Variants in LOC400499 observed in about 807,000 individuals in gnomAD.
chr16:11,466,393 A>T, the LOC400499 span, among the ~76,000 whole-genome samples: 2 of 149,012 alleles, frequency 1.3e-5, no homozygotes, highest in Admixed American at 6.7e-5. Flanking sequence ...ATTCATTTAG[A>T]TTTTTTTTTT....
chr16:11,495,043 T>C, the LOC400499 span, among the ~76,000 whole-genome samples: 1 of 152,042 alleles, frequency 6.6e-6, no homozygotes, highest in Non-Finnish European at 1.5e-5. Context: ...ACCCCGTCTC[T>C]ACTAAAAACA....
the LOC400499 span, chr16:11,383,700 G>A: frequency 3.4e-4 from 419 of 1,232,540 alleles, 2 homozygotes; most frequent in Middle Eastern, 3.7e-3. Context: ...GGATGTAGGC[G>A]GCCGCCAGGT....
chr16:11,455,175 C>A, the LOC400499 span, among the ~76,000 whole-genome samples: 2 of 152,188 alleles, frequency 1.3e-5, no homozygotes, highest in African/African-American at 4.8e-5. Context: ...TATATCTCAG[C>A]TATGTAAGAC....
the LOC400499 span, chr16:11,491,564 A>C: frequency 2.6e-6 from 1 of 389,228 alleles, no homozygotes; most frequent in African/African-American, 2.2e-5. Flanking sequence ...TGGTAGAGAA[A>C]CAGGGGAACA....
At chr16:11,511,854 C>T in the LOC400499 span, among the ~76,000 whole-genome samples, 3 of 151,994 alleles carry the variant, frequency 2.0e-5, no homozygotes, top group African/African-American at 7.3e-5. Context: ...TAGCAAGACC[C>T]GATTTCTACA....
chr16:11,524,870 G>T, the LOC400499 span, among the ~76,000 whole-genome samples: 1 of 152,242 alleles, frequency 6.6e-6, no homozygotes, highest in African/African-American at 2.4e-5. Context: ...CATTAAGCAG[G>T]CATTCATCTG....
chr16:11,450,128 C>T, the LOC400499 span, among the ~76,000 whole-genome samples: 1 of 152,324 alleles, frequency 6.6e-6, no homozygotes, highest in African/African-American at 2.4e-5. Context: ...CCCACATCCA[C>T]GCATCACCCA....
chr16:11,403,657 G>T, the LOC400499 span, among the ~76,000 whole-genome samples: 1 of 152,208 alleles, frequency 6.6e-6, no homozygotes, highest in East Asian at 1.9e-4. Context: ...CTCCACACCT[G>T]GCAGGCTGTG....
the LOC400499 span, chr16:11,491,645 G>GCCCACCCACCC: frequency 2.7e-6 from 1 of 370,388 alleles, no homozygotes; most frequent in Non-Finnish European, 4.8e-6. Context: ...TTCAGGAGGT[G>GCCCACCCACCC]CCCTCCCAGC....
chr16:11,412,727 A>G, the LOC400499 span: 344 of 396,734 alleles, frequency 8.7e-4, no homozygotes, highest in African/African-American at 6.3e-3. Flanking sequence ...GCCCTTGTTT[A>G]TGCAGCAGTG....
chr16:11,516,277 G>A, the LOC400499 span: 2 of 399,480 alleles, frequency 5.0e-6, no homozygotes, highest in African/African-American at 4.1e-5. Context: ...AGTGCAGGAT[G>A]AAGCGGAGTG....
At chr16:11,525,198 T>G in the LOC400499 span, among the ~76,000 whole-genome samples, 10,436 of 151,342 alleles carry the variant, frequency 0.069, 405 homozygotes, top group African/African-American at 0.083. Flanking sequence ...GAGAATTGCT[T>G]GAGCCGACAG....
the LOC400499 span, chr16:11,501,995 C>T: frequency 2.5e-6 from 1 of 397,734 alleles, no homozygotes; most frequent in African/African-American, 2.1e-5. Context: ...ACTGGGAACC[C>T]AGGACAGCAC....
chr16:11,439,068 T>G, the LOC400499 span, among the ~76,000 whole-genome samples: 1 of 152,194 alleles, frequency 6.6e-6, no homozygotes, highest in Non-Finnish European at 1.5e-5. Context: ...ATGCACAGCC[T>G]GCTCAATGAA....
the LOC400499 span, chr16:11,392,252 C>T: frequency 4.1e-3 from 1,652 of 398,934 alleles, 34 homozygotes; most frequent in African/African-American, 0.031. Context: ...GCTCCTGGCA[C>T]GGGGGCCTCT....
At chr16:11,376,574 C>A in the LOC400499 span, among the ~76,000 whole-genome samples, 1 of 152,160 alleles carries the variant, frequency 6.6e-6, no homozygotes, top group African/African-American at 2.4e-5. Context: ...ACGCCAGTAC[C>A]ACACTTTTGA....
chr16:11,471,680 C>T, the LOC400499 span: 1 of 399,138 alleles, frequency 2.5e-6, no homozygotes, highest in South Asian at 1.3e-4. Flanking sequence ...TAGGCAGCTT[C>T]CAGCAGGTAC....
chr16:11,476,783 C>T, the LOC400499 span: 3 of 399,284 alleles, frequency 7.5e-6, no homozygotes, highest in Non-Finnish European at 8.8e-6. Context: ...AGCAGCTCCA[C>T]GGCCTCCTCA....
At chr16:11,458,810 G>C in the LOC400499 span, among the ~76,000 whole-genome samples, 2 of 151,772 alleles carry the variant, frequency 1.3e-5, no homozygotes. Context: ...TGAGGTGAGC[G>C]GATCACCTGA....
Sources: allele counts gnomAD v4.1 joint callset (sites outside exome capture counted in the v4.1 genomes callset), GRCh38; gene constraint gnomAD v4.1.1; transcripts MANE v1.5.